Variants in PDZD2 observed in about 807,000 individuals in gnomAD.
The protein encoded by PDZD2 is PDZ domain-containing protein 2.
In PDZD2, 90 loss-of-function variants were observed where a neutral mutation model predicts 220.7. The ratio of observed to expected loss-of-function variants is 0.41; its 90% CI spans 0.34 to 0.49. PDZD2 has a LOEUF of 0.49. PDZD2 is among the 20% of genes least tolerant of loss of function. The pLI, the probability that PDZD2 is intolerant of heterozygous loss-of-function variation, is 0.28. For missense variants in PDZD2, 3,174 were observed against 3,608.5 expected (o/e 0.88, Z 3.08); for synonymous variants, 1,375 against 1,450.5 (o/e 0.95, Z 1.18).
intron 6 of PDZD2, among the ~76,000 whole-genome samples, chr5:32,031,284 G>A (rs1177384629): frequency 1.3e-5 from 2 of 152,140 alleles, no homozygotes; most frequent in African/African-American, 4.8e-5. Flanking sequence ...TCAGACTCTG[G>A]AGTCTGTTGT....
In PDZD2 at chr5:32,089,927, G is replaced by A. The variant is rs764899251; in HGVS notation, c.6479G>A (p.Arg2160Gln). 9 of 1,611,312 alleles carry A rather than the reference G, an allele frequency of 5.6e-6. No homozygotes were observed. Among genetic ancestry groups the A allele is most frequent in the East Asian group, 2.2e-5 (1 of 44,824 alleles). ...TCCCAGGCAGAGCAGGAAATGTCAC[G>A]ATCATTCAGCATGGCAAAACTGGCG... ...HASQAEQEMS[R>Q]SFSMAKLASS... The change falls in exon 20 of 25, where the codon CGA (arginine) becomes CAA (glutamine). Residue 2160 changes from arginine to glutamine, a missense_variant. Transcript: ENST00000438447.
In PDZD2 at chr5:31,799,551, G is replaced by C. The variant is rs570880377; in HGVS notation, c.303G>C (p.Arg101Ser). 3.6e-5 allele frequency: 58 copies of C among 1,614,124 alleles called. No homozygotes were observed. The highest frequency in any genetic ancestry group is 3.4e-4 in the South Asian group (31 of 91,074). ...TCGGGGACTATGGTGAAAAGCGCAGGGGGGGCAAGAAGAGGAAAACCCACC... is the reference window on the plus strand; with the variant it reads ...TCGGGGACTATGGTGAAAAGCGCAGCGGGGGCAAGAAGAGGAAAACCCACC... ...PVFGDYGEKR[R>S]GGKKRKTHQG... Residue 101 changes from arginine to serine, a missense_variant, in exon 2 of 25, where the codon AGG (arginine) becomes AGC (serine). By Grantham distance (110) the Arg-to-Ser change is moderately radical (BLOSUM62 -1). Coordinates refer to ENST00000438447, the MANE Select transcript of PDZD2 (RefSeq NM_178140.4).
intron 7 of PDZD2, among the ~76,000 whole-genome samples, chr5:32,045,521 A>C (rs1433452425): frequency 2.0e-5 from 3 of 151,288 alleles, no homozygotes; most frequent in Non-Finnish European, 4.4e-5. Context: ...TCTGGATTCA[A>C]GCGATTCTCA....
At chr5:31,676,808 C>T (rs1746446359) in intron 1 of PDZD2, among the ~76,000 whole-genome samples, 1 of 152,022 alleles carries the variant, frequency 6.6e-6, no homozygotes, top group Non-Finnish European at 1.5e-5. Context: ...CCCGCCTCGG[C>T]CTCCCAAAGT....
Position 31,928,481 on chromosome 5 carries a change from AT to A in PDZD2, c.477-54662del, listed in dbSNP as rs34211965. Among the ~76,000 whole-genome samples the A allele has an allele frequency of 3.8e-3, 569 of 148,460 alleles. 2 individuals carry two copies. The highest frequency in any genetic ancestry group is 0.013 in the African/African-American group (515 of 40,648). The stretch of plus-strand genomic sequence containing the variant: ...AAGGTCATTAGAAAAATTACAAAGA[AT>A]TTTTTTTTTTTGAGTCAGAGTCTTG... On this transcript the variant is annotated intron_variant, in intron 2 of 24. Transcript: ENST00000438447.
chr5:31,684,661 C>G (rs957820123), intron 1 of PDZD2, among the ~76,000 whole-genome samples: 1 of 151,880 alleles, frequency 6.6e-6, no homozygotes, highest in Non-Finnish European at 1.5e-5. Context: ...TCATAGTCCT[C>G]ACCAGCCACT....
chr5:32,022,957 C>T (rs1423544627), intron 6 of PDZD2, among the ~76,000 whole-genome samples: 1 of 151,982 alleles, frequency 6.6e-6, no homozygotes, highest in Non-Finnish European at 1.5e-5. Flanking sequence ...GATTTGGAGG[C>T]CTTTGCTGTA....
intron 19 of PDZD2, 102 bp downstream of exon 19, chr5:32,077,708 G>A: frequency 7.9e-7 from 1 of 1,260,034 alleles, no homozygotes; most frequent in South Asian, 1.2e-5. Context: ...TGTAATCCCA[G>A]CACTCTGGGA....
At chr5:32,007,462 CT>C (rs1210766383) in intron 5 of PDZD2, among the ~76,000 whole-genome samples, 1 of 151,364 alleles carries the variant, frequency 6.6e-6, no homozygotes. Context: ...ACTGAACTCA[CT>C]TTTTTTTCCC....
intron 8 of PDZD2, among the ~76,000 whole-genome samples, chr5:32,050,357 T>A (rs1028733915): frequency 2.6e-5 from 4 of 152,196 alleles, no homozygotes; most frequent in Non-Finnish European, 5.9e-5. Context: ...AAACATCCAT[T>A]TTTAACCACA....
chr5:31,794,976 G>T (rs867520359), intron 1 of PDZD2, among the ~76,000 whole-genome samples: 1 of 152,140 alleles, frequency 6.6e-6, no homozygotes, highest in Non-Finnish European at 1.5e-5. Flanking sequence ...TAAACCAGAG[G>T]ATCCTTTTAT....
rs1482000906 is a variant in PDZD2, at chr5:31,975,796, TTTTTTTATTTA to T, written c.477-7352_477-7342del. ...AGCACACTGAAGGTATCAGTCACTTTTTTTTTATTTATTTTTTTTTTTTTTGAGACAAGGTC... is the reference window on the plus strand; with the variant it reads ...AGCACACTGAAGGTATCAGTCACTTTTTTTTTTTTTTTTTGAGACAAGGTC... On this transcript the variant is annotated intron_variant, in intron 2 of 24. Coordinates refer to ENST00000438447, the MANE Select transcript of PDZD2 (RefSeq NM_178140.4). 4.6e-4 allele frequency among the ~76,000 whole-genome samples: 20 copies of T among 43,122 alleles called. 5 individuals are homozygous for T. Among genetic ancestry groups the T allele is most frequent in the African/African-American group, 1.1e-3 (9 of 8,428 alleles). 28.3% of individuals were successfully genotyped at this position (43,122 alleles called of 152,430 possible).
rs760145512 is a variant in PDZD2, at chr5:31,930,196, CTTTTT to C, written c.477-52935_477-52931del. On this transcript the variant is annotated intron_variant, in intron 2 of 24. Transcript: ENST00000438447. ...TGTACATTACCCAGTCTCAGGTATTCTTTTTTTTTTTTTTTTTTTTTTTTTTTTGG... is the reference window on the plus strand; with the variant it reads ...TGTACATTACCCAGTCTCAGGTATTCTTTTTTTTTTTTTTTTTTTTTTTGG... 7.4e-3 allele frequency among the ~76,000 whole-genome samples: 756 copies of C among 102,356 alleles called. 7 individuals are homozygous for C. The highest frequency in any genetic ancestry group is 0.028 in the African/African-American group (716 of 25,152). The allele number at this position is 102,356 out of a possible 152,430, so 67.1% of individuals were successfully genotyped here.
Position 31,640,000 on chromosome 5 carries a change from G to T in PDZD2, c.-361+563G>T, listed in dbSNP as rs533353779. On this transcript the variant is annotated intron_variant, in intron 1 of 24. Coordinates refer to ENST00000438447, the MANE Select transcript of PDZD2 (RefSeq NM_178140.4). This position sits in a 1 kb window ranked among gnomAD's most constrained non-coding sequence, Gnocchi z 4.1. ...GGGCCGGTTATTGGCGTCTGCCGGG[G>T]AGATGGGGAACATAGTGATAGGGAA... 1.1e-4 allele frequency among the ~76,000 whole-genome samples: 17 copies of T among 152,224 alleles called. 1 individual carries two copies. The highest frequency in any genetic ancestry group is 3.4e-3 in the Middle Eastern group (1 of 294).
chr5:31,927,096 G>A (rs145802910), intron 2 of PDZD2, among the ~76,000 whole-genome samples: 20 of 152,166 alleles, frequency 1.3e-4, no homozygotes, highest in Admixed American at 2.0e-4. Context: ...GTTGAAAAAC[G>A]TAACTATTGG....
chr5:32,057,813 T>A (rs1739229292), intron 11 of PDZD2, 65 bp from the exon 12 acceptor site: 2 of 1,441,034 alleles, frequency 1.4e-6, no homozygotes, highest in East Asian at 4.5e-5. Context: ...TGTTTTTTTT[T>A]TTTAACCCTT....
rs1450903901 is a variant in PDZD2 at position 32,072,272 on chromosome 5, G to A, written c.2680G>A (p.Gly894Ser). Residue 894 changes from glycine to serine, a missense_variant, in exon 17 of 25, where the codon GGC (glycine) becomes AGC (serine). Coordinates refer to ENST00000438447, the MANE Select transcript of PDZD2 (RefSeq NM_178140.4). The stretch of plus-strand genomic sequence containing the variant: ...TGAGGACGAGGATCACCCGGGAAGT[G>A]GCTGCAGCACGTCGGAGGAGGGCAG... ...GSEDEDHPGS[G>S]CSTSEEGSLP... 1.2e-6 allele frequency: 2 copies of A among 1,614,036 alleles called. No individual in the cohort carries two copies. Among genetic ancestry groups the A allele is most frequent in the African/African-American group, 2.7e-5 (2 of 74,942 alleles).
At chr5:31,714,796 C>G (rs556641778) in intron 1 of PDZD2, among the ~76,000 whole-genome samples, 1 of 152,034 alleles carries the variant, frequency 6.6e-6, no homozygotes, top group South Asian at 2.1e-4. Flanking sequence ...CAGTTGCTCA[C>G]GCCTGTAATC....
chr5:31,921,755 T>TG (rs1744279297), intron 2 of PDZD2, among the ~76,000 whole-genome samples: 1 of 152,194 alleles, frequency 6.6e-6, no homozygotes, highest in Non-Finnish European at 1.5e-5. Context: ...CTGATATTCT[T>TG]GCTACTTAGA....
Sources: gnomAD v4.1 joint callset for allele counts (sites outside exome capture counted in the v4.1 genomes callset) on GRCh38, gnomAD v4.1.1 for gene constraint, Gnocchi (gnomAD v3.1) non-coding constraint, MANE v1.5 for transcripts, NCBI Gene and HGNC (gene_info 2026-07-23, HGNC 2026-07-21) for gene names.